Variants in FAM3A observed in about 807,000 individuals in gnomAD.
The protein encoded by FAM3A is FAM3 metabolism regulating signaling molecule A, also known as protein FAM3A.
Under a neutral mutation model 18.1 loss-of-function variants are expected in FAM3A, and 5 were observed. The observed-to-expected ratio is 0.28, with a 90% CI of 0.14 to 0.58. The LOEUF is 0.58. FAM3A is among the 20% of genes least tolerant of loss of function. The pLI is 0.91. For synonymous variants in FAM3A, 108 were observed against 90.2 expected (o/e 1.20, Z -1.12); for missense variants, 154 against 216.6 (o/e 0.71, Z 1.81).
Position 154,506,852 on chromosome X carries a change from C to T in FAM3A, c.652G>A (p.Glu218Lys), listed in dbSNP as rs781982533. The change falls in exon 9 of 9, where the codon GAG becomes AAG. Residue 218 changes from glutamate (E) to lysine (K), a missense_variant. Glu to Lys is a moderately conservative substitution (Grantham distance 56, BLOSUM62 1). Around this residue, in one of 3 missense-constraint regions of FAM3A, gnomAD observed 39 missense variants for 38.5 expected, o/e 1.01. Transcript: ENST00000447601. ...NKYEGWPEAL[E>K]MEGCIPRRST... is the part of the protein sequence containing the mutation. ...CTCCGCGGGATACAGCCTTCCATCT[C>T]CAGCGCCTCGGGCCAGCCTTCGTAC... 17 of 1,210,634 alleles carry T rather than the reference C, an allele frequency of 1.4e-5. No individual in the cohort carries two copies. The highest frequency in any genetic ancestry group is 6.5e-5 in the Admixed American group (3 of 45,922).
At position 154,507,299 on chromosome X, in the gene FAM3A, A is replaced by G. The variant is rs1569555617; in HGVS notation, c.501T>C (p.Ser167=). The G allele has an allele frequency of 8.3e-7, 1 of 1,211,656 alleles. No individual in the cohort carries two copies. The highest frequency in any genetic ancestry group is 3.0e-5 in the East Asian group (1 of 33,852). The change falls in exon 8 of 9, where the codon AGT becomes AGC. Residue 167 remains serine, a synonymous_variant. Coordinates refer to ENST00000447601, the MANE Select transcript of FAM3A (RefSeq NM_021806.4). ...KMNEETRKLF[S]ELGSRNAKEL... is the part of the protein sequence containing the mutation. ...CCTTGGCGTTCCTGCTGCCCAGCTC[A>G]CTGAAGAGCTTTCTGGTCTCTTCAT...
rs9887660 is a variant in FAM3A, at chrX:154,516,183, G to C, written c.-411C>G. On this transcript the variant is annotated 5_prime_UTR_variant, in exon 1 of 9. Transcript: ENST00000447601. ...CAGGCCCGCCGACCCGCTCCGCCCC[G>C]GGAGAGGACGCAAGGCCGCTGCGCA... 0.66 allele frequency: 82,924 copies of C among 124,963 alleles called. 23,810 individuals carry two copies. The highest frequency in any genetic ancestry group is 0.88 in the East Asian group (3,947 of 4,506). 10.3% of individuals were successfully genotyped at this position (124,963 alleles called of 1,213,427 possible).
In FAM3A at chrX:154,506,700, G is replaced by A. The variant is rs2069542008; in HGVS notation, c.*111C>T. On this transcript the variant is annotated 3_prime_UTR_variant, in exon 9 of 9. Transcript: ENST00000447601. ...TCGGAGCCCCGATGTGTTGGGGCCA[G>A]GGAGCGCTCCTGCCCGGGTGTGGGG... 5.1e-6 allele frequency: 3 copies of A among 584,085 alleles called. No homozygotes were observed. The Admixed American group carries it at 8.3e-5, about 16-fold the overall frequency. 48.1% of individuals were successfully genotyped at this position (584,085 alleles called of 1,213,427 possible).
Position 154,512,836 on chromosome X carries a change from C to T in FAM3A, c.114G>A (p.Gln38=). Reference sequence around the variant, plus strand: ...TCCCACACTCACTGGTGAAGAGTTGCTGGATGCGAGGAAAGCCACTGCCAG... The same window carrying T: ...TCCCACACTCACTGGTGAAGAGTTGTTGGATGCGAGGAAAGCCACTGCCAG... The part of the protein sequence containing the change: ...GGPGSGFPRI[Q]QLFTSPESSV... Residue 38 remains glutamine (Q), a synonymous_variant, in exon 2 of 9, where the codon CAG becomes CAA. Coordinates refer to ENST00000447601, the MANE Select transcript of FAM3A (RefSeq NM_021806.4). 8.3e-7 allele frequency: 1 copy of T among 1,206,226 alleles called. No homozygotes were observed. The highest frequency in any genetic ancestry group is 1.1e-6 in the Non-Finnish European group (1 of 890,387).
intron 1 of FAM3A, among the ~76,000 whole-genome samples, chrX:154,515,373 C>G (rs1297714788): frequency 9.0e-6 from 1 of 111,533 alleles, no homozygotes; most frequent in Admixed American, 9.5e-5. Flanking sequence ...CTTCATCTTA[C>G]TTGTCCAGGT....
chrX:154,507,975 C>T, intron 5 of FAM3A, 114 bp from the exon 6 acceptor site: 1 of 642,485 alleles, frequency 1.6e-6, no homozygotes, highest in East Asian at 3.6e-5. Flanking sequence ...AACAGTCCCC[C>T]AATATTCATC....
intron 3 of FAM3A, chrX:154,511,242 G>A (rs1316039534): frequency 8.9e-6 from 1 of 111,802 alleles, no homozygotes; most frequent in Non-Finnish European, 1.9e-5. Flanking sequence ...TATGTGACTC[G>A]TGGGTCCACT....
Position 154,506,810 on chromosome X carries a change from G to A in FAM3A, c.*1C>T. 8.3e-7 allele frequency: 1 copy of A among 1,207,750 alleles called. No individual in the cohort carries two copies. Among genetic ancestry groups the A allele is most frequent in the Non-Finnish European group, 1.1e-6 (1 of 891,813 alleles). On this transcript the variant is annotated 3_prime_UTR_variant, in exon 9 of 9. Coordinates refer to ENST00000447601, the MANE Select transcript of FAM3A (RefSeq NM_021806.4). ...TCGGCCCGGTCCTGGCACTGGCCGTGCTAGCTGGCCGTGCTTCTCCGCGGG... is the reference window on the plus strand; with the variant it reads ...TCGGCCCGGTCCTGGCACTGGCCGTACTAGCTGGCCGTGCTTCTCCGCGGG...
rs782738827 is a variant in FAM3A, at chrX:154,506,267, C to G, written c.*544G>C. ...TCGGGCTCCAGCTACTTCACCACCC[C>G]GGGCCAGCCTGCTCCAGGGGTCCCT... is the stretch of plus-strand genomic sequence containing the variant. On this transcript the variant is annotated 3_prime_UTR_variant, in exon 9 of 9. Coordinates refer to ENST00000447601, the MANE Select transcript of FAM3A (RefSeq NM_021806.4). The G allele has an allele frequency of 3.4e-5, 4 of 115,956 alleles. No individual in the cohort carries two copies. The South Asian group carries it at 1.3e-3, about 38-fold the overall frequency. 9.6% of individuals were successfully genotyped at this position (115,956 alleles called of 1,213,427 possible). A position where few individuals can be genotyped will look rare whatever the true frequency, so the allele number is the denominator to read the frequency against.
At chrX:154,507,117 C>T (rs1006694169) in intron 8 of FAM3A, 86 bp downstream of exon 8, 24 of 1,100,072 alleles carry the variant, frequency 2.2e-5, no homozygotes, top group Middle Eastern at 3.3e-4. Flanking sequence ...CCTGCTGGGG[C>T]GTGAGCAGCT....
intron 5 of FAM3A, 46 bp downstream of exon 5, chrX:154,508,243 G>C: frequency 9.8e-7 from 1 of 1,016,208 alleles, no homozygotes; most frequent in Non-Finnish European, 1.3e-6. Context: ...CCTGGGGAGG[G>C]AGCAGGGAAG....
At position 154,507,274 on chromosome X, in the gene FAM3A, C is replaced by T. The variant is rs1286753395; in HGVS notation, c.526G>A (p.Glu176Lys). 8.3e-7 allele frequency: 1 copy of T among 1,209,708 alleles called. No homozygotes were observed. The highest frequency in any genetic ancestry group is 1.1e-6 in the Non-Finnish European group (1 of 894,859). Residue 176 changes from glutamate (E) to lysine (K), a missense_variant, in exon 8 of 9, where the codon GAG (glutamate) becomes AAG (lysine). Physicochemically the swap from Glu to Lys is moderately conservative, Grantham distance 56. Coordinates refer to ENST00000447601, the MANE Select transcript of FAM3A (RefSeq NM_021806.4). ...ACCCAGCTGTCCCGGAAGGCCAGCTCCTTGGCGTTCCTGCTGCCCAGCTCA... is the reference window on the plus strand; with the variant it reads ...ACCCAGCTGTCCCGGAAGGCCAGCTTCTTGGCGTTCCTGCTGCCCAGCTCA... ...FSELGSRNAKELAFRDSWVFV... is the reference protein window; with the variant it reads ...FSELGSRNAKKLAFRDSWVFV...
intron 1 of FAM3A, among the ~76,000 whole-genome samples, chrX:154,513,518 T>C (rs1467339961): frequency 9.0e-6 from 1 of 110,985 alleles, no homozygotes; most frequent in Non-Finnish European, 1.9e-5. Flanking sequence ...TAATCCCAGC[T>C]ACTCAGGAGG....
intron 5 of FAM3A, 85 bp downstream of exon 5, chrX:154,508,204 G>A: frequency 1.4e-6 from 1 of 719,535 alleles, no homozygotes; most frequent in Admixed American, 4.0e-5. Flanking sequence ...TGAATGGGAG[G>A]GGAAGGGAGG....
At chrX:154,508,207 A>C in intron 5 of FAM3A, 82 bp downstream of exon 5, 1 of 727,224 alleles carries the variant, frequency 1.4e-6, no homozygotes, top group Non-Finnish European at 1.9e-6. Context: ...ATGGGAGGGG[A>C]AGGGAGGGCA....
rs1243490579 is a variant in FAM3A, at chrX:154,508,256, G to A, written c.334+33C>T. 7 of 1,064,142 alleles carry A rather than the reference G, an allele frequency of 6.6e-6. No homozygotes were observed. In the African/African-American group the frequency reaches 9.6e-5, roughly 15 times the overall value. The allele number at this position is 1,064,142 out of a possible 1,213,427, so 87.7% of individuals were successfully genotyped here. On this transcript the variant is annotated intron_variant, in intron 5 of 8. Transcript: ENST00000447601. ...CTCCTGGGGAGGGAGCAGGGAAGGA[G>A]GGCGGCAGGCCACGCTCAGCCAGGG...
At chrX:154,513,488 G>A (rs2070007734) in intron 1 of FAM3A, among the ~76,000 whole-genome samples, 1 of 110,832 alleles carries the variant, frequency 9.0e-6, no homozygotes, top group African/African-American at 3.3e-5. Flanking sequence ...AAATTAGCCG[G>A]GCATGGTGGC....
intron 3 of FAM3A, chrX:154,510,440 C>T (rs1448972156): frequency 3.8e-5 from 4 of 105,657 alleles, no homozygotes; most frequent in Non-Finnish European, 5.8e-5. Flanking sequence ...GTGAGAGGAT[C>T]GCTTGAGCCC....
At chrX:154,506,996 CTG>C in intron 8 of FAM3A, 90 bp from the exon 9 acceptor site, 1 of 922,628 alleles carries the variant, frequency 1.1e-6, no homozygotes, top group South Asian at 2.2e-5. Flanking sequence ...GTCAACTGTG[CTG>C]TGTTGGCCAA....
Sources: allele counts gnomAD v4.1 joint callset (sites outside exome capture counted in the v4.1 genomes callset), GRCh38; gene constraint gnomAD v4.1.1; regional missense constraint gnomAD v4.1.1; transcripts MANE v1.5; gene names NCBI Gene and HGNC (gene_info 2026-07-23, HGNC 2026-07-21).